NRXN2: variants seen among roughly 807,000 people sequenced by gnomAD.
The protein encoded by NRXN2 is neurexin-2-beta.
NRXN2 carries 29 observed loss-of-function variants against 128.8 expected under a neutral mutation model. That is an observed-to-expected ratio of 0.23 (90% CI 0.17 to 0.31). The LOEUF (loss-of-function observed/expected upper bound fraction) is 0.31. Among genes scored for constraint, NRXN2 ranks in the 10% least tolerant of loss-of-function variants. The pLI, the probability that NRXN2 is intolerant of heterozygous loss-of-function variation, is 1.00. For synonymous variants in NRXN2, 1,098 were observed against 1,075.2 expected, an observed-to-expected ratio of 1.02 and a Z score of -0.41; for missense variants, 1,881 against 2,452.6, an observed-to-expected ratio of 0.77 and a Z score of 4.92.
intron 11 of NRXN2, 85 bp from the exon 12 acceptor site, chr11:64,653,807 AG>A: frequency 9.6e-7 from 1 of 1,038,178 alleles, no homozygotes; most frequent in Non-Finnish European, 1.4e-6. Context: ...CTTCACAGGG[AG>A]GGGTGTCTGC....
intron 6 of NRXN2, among the ~76,000 whole-genome samples, chr11:64,679,526 A>G (rs959475789): frequency 6.6e-5 from 10 of 152,078 alleles, no homozygotes; most frequent in African/African-American, 2.4e-4. Context: ...AGTCCCAGCT[A>G]CTTGGGAGGC....
At chr11:64,628,150 G>A (rs146377551) in intron 19 of NRXN2, among the ~76,000 whole-genome samples, 127 of 152,320 alleles carry the variant, frequency 8.3e-4, no homozygotes, top group Non-Finnish European at 1.6e-3. Context: ...CCTATTTATT[G>A]AGCACCTTTG....
At chr11:64,691,494 G>C (rs890698368) in intron 4 of NRXN2, among the ~76,000 whole-genome samples, 2 of 152,214 alleles carry the variant, frequency 1.3e-5, no homozygotes, top group African/African-American at 4.8e-5. Flanking sequence ...ACTCAGTGAT[G>C]AAGGGGAAAA....
rs949634903 is a variant in NRXN2 at position 64,626,372 on chromosome 11, T to C, written c.3847+91A>G. 14 of 1,049,866 alleles carry C rather than the reference T, an allele frequency of 1.3e-5. No homozygotes were observed. In the African/African-American group the frequency reaches 1.9e-4, roughly 14 times the overall value. The allele number at this position is 1,049,866 out of a possible 1,614,324, so 65.0% of individuals were successfully genotyped here. Reference sequence around the variant, plus strand: ...CCCTTCACTTGGGGGTGGGCATTGGTGAAGGCACGGAGGGGGAAAGAGAGA... The same window carrying C: ...CCCTTCACTTGGGGGTGGGCATTGGCGAAGGCACGGAGGGGGAAAGAGAGA... On this transcript the variant is annotated intron_variant, in intron 20 of 22. Coordinates refer to ENST00000265459, the MANE Select transcript of NRXN2 (RefSeq NM_015080.4).
In NRXN2 at chr11:64,713,828, C is replaced by T; in HGVS notation, c.-129G>A. 3 of 467,396 alleles carry T rather than the reference C, an allele frequency of 6.4e-6. No homozygotes were observed. The highest frequency in any genetic ancestry group is 8.5e-6 in the Non-Finnish European group (3 of 352,812). 29.0% of individuals were successfully genotyped at this position (467,396 alleles called of 1,614,324 possible). A position where few individuals can be genotyped will look rare whatever the true frequency, so the allele number is the denominator to read the frequency against. ...GGGCTCCCTTGCAGGCTCACAGTGC[C>T]ATGGGCCCGGCCGCGGGGCGAGGCG... On this transcript the variant is annotated 5_prime_UTR_variant, in exon 2 of 23. The change abolishes an upstream ATG in the 5' untranslated region. Transcript: ENST00000265459.
rs749398433 is a variant in NRXN2, at chr11:64,607,816, G to A, written c.4519C>T (p.Pro1507Ser). The A allele has an allele frequency of 6.1e-5, 97 of 1,601,796 alleles. No homozygotes were observed. The highest frequency in any genetic ancestry group is 7.7e-5 in the Non-Finnish European group (90 of 1,174,834). ...SGEVFDSSLP[P>S]TDDEDFYTTF... ...GTGTAAAAGTCCTCGTCGTCCGTGG[G>A]GGGGAGGCTGGAGTCAAAGACCTCC... The change falls in exon 23 of 23, where the codon CCC becomes TCC. Residue 1507 changes from proline to serine, a missense_variant. Coordinates refer to ENST00000265459, the MANE Select transcript of NRXN2 (RefSeq NM_015080.4).
chr11:64,697,191 C>A (rs563371760), intron 3 of NRXN2, among the ~76,000 whole-genome samples: 33 of 152,266 alleles, frequency 2.2e-4, no homozygotes, highest in African/African-American at 7.7e-4. Flanking sequence ...GGGGCAGCAG[C>A]TAGGGGCCTG....
At chr11:64,624,697 CA>C (rs1350897677) in intron 20 of NRXN2, among the ~76,000 whole-genome samples, 1 of 152,246 alleles carries the variant, frequency 6.6e-6, no homozygotes, top group Non-Finnish European at 1.5e-5. Flanking sequence ...TGCACATATG[CA>C]TCTCCAAGAG....
At chr11:64,608,103 G>C in intron 22 of NRXN2, 21 bp from the exon 23 acceptor site, 2 of 1,572,682 alleles carry the variant, frequency 1.3e-6, no homozygotes, top group South Asian at 2.3e-5. Context: ...AGAGAGAAGA[G>C]AAAAGAGAGG....
At chr11:64,653,178 A>G in intron 12 of NRXN2, among the ~76,000 whole-genome samples, 1 of 152,098 alleles carries the variant, frequency 6.6e-6, no homozygotes, top group South Asian at 2.1e-4. Flanking sequence ...CCATAGAAGG[A>G]GCCCCCATTT....
chr11:64,670,422 G>A (rs2135518993), intron 7 of NRXN2, among the ~76,000 whole-genome samples: 1 of 152,262 alleles, frequency 6.6e-6, no homozygotes, highest in South Asian at 2.1e-4. Flanking sequence ...AGAAGGGCTG[G>A]AGAAAGGGAA....
chr11:64,711,014 C>T (rs1451546719), intron 2 of NRXN2, among the ~76,000 whole-genome samples: 1 of 151,808 alleles, frequency 6.6e-6, no homozygotes, highest in African/African-American at 2.4e-5. Flanking sequence ...AACCTTGTAC[C>T]AATAACCCCA....
At position 64,606,377 on chromosome 11, in the gene NRXN2, G is replaced by C. The variant is rs2039640646; in HGVS notation, c.*819C>G. 2 of 152,512 alleles carry C rather than the reference G, an allele frequency of 1.3e-5. No individual in the cohort carries two copies. The highest frequency in any genetic ancestry group is 4.8e-5 in the African/African-American group (2 of 41,454). The allele number at this position is 152,512 out of a possible 1,614,324, so 9.4% of individuals were successfully genotyped here. A position where few individuals can be genotyped will look rare whatever the true frequency, so the allele number is the denominator to read the frequency against. ...TGCCCGCGCCCAGCGGGTGCCACAGGCTGCTGCTCGTGGAATCTAGAGTAT... is the reference window on the plus strand; with the variant it reads ...TGCCCGCGCCCAGCGGGTGCCACAGCCTGCTGCTCGTGGAATCTAGAGTAT... On this transcript the variant is annotated 3_prime_UTR_variant, in exon 23 of 23. Transcript: ENST00000265459.
chr11:64,618,887 G>A (rs569207929), intron 22 of NRXN2, among the ~76,000 whole-genome samples: 1 of 152,276 alleles, frequency 6.6e-6, no homozygotes, highest in Admixed American at 6.5e-5. Flanking sequence ...GGGACATGGA[G>A]GGCAACTGGG....
Position 64,607,120 on chromosome 11 carries a change from G to A in NRXN2, c.*76C>T. The A allele has an allele frequency of 6.7e-7, 1 of 1,490,614 alleles. No individual in the cohort carries two copies. The highest frequency in any genetic ancestry group is 9.2e-7 in the Non-Finnish European group (1 of 1,092,032). The allele number at this position is 1,490,614 out of a possible 1,614,324, so 92.3% of individuals were successfully genotyped here. On this transcript the variant is annotated 3_prime_UTR_variant, in exon 23 of 23. Transcript: ENST00000265459. The stretch of plus-strand genomic sequence containing the variant: ...CCAGGGAGAGGGTCCCCAGGCCCCT[G>A]GCAGGGAGAGGGTGGCACCCTCCTC...
intron 5 of NRXN2, 143 bp from the exon 6 acceptor site, chr11:64,686,090 C>G (rs1239428926): frequency 1.2e-6 from 1 of 835,386 alleles, no homozygotes; most frequent in East Asian, 2.7e-5. Context: ...AGGCCCCTTT[C>G]CCTCCCTCGG....
At chr11:64,703,928 C>T (rs1377441397) in intron 2 of NRXN2, among the ~76,000 whole-genome samples, 1 of 152,200 alleles carries the variant, frequency 6.6e-6, no homozygotes, top group Non-Finnish European at 1.5e-5. Flanking sequence ...GTTAACTGCC[C>T]AAGTTCACAC....
At position 64,607,271 on chromosome 11, in the gene NRXN2, C is replaced by G; in HGVS notation, c.5064G>C (p.Val1688=). 1 of 1,613,928 alleles carries G rather than the reference C, an allele frequency of 6.2e-7. No homozygotes were observed. Among genetic ancestry groups the G allele is most frequent in the African/African-American group, 1.3e-5 (1 of 74,984 alleles). ...SNSAQSNGAV[V]KEKAPAAPKT... Reference sequence around the variant, plus strand: ...TGGGGGCAGCCGGGGCCTTCTCTTTCACCACCGCCCCATTGCTCTGGGCCG... The same window carrying G: ...TGGGGGCAGCCGGGGCCTTCTCTTTGACCACCGCCCCATTGCTCTGGGCCG... Residue 1688 remains valine (V), a synonymous_variant, in exon 23 of 23, where the codon GTG becomes GTC. Coordinates refer to ENST00000265459, the MANE Select transcript of NRXN2 (RefSeq NM_015080.4).
intron 19 of NRXN2, among the ~76,000 whole-genome samples, chr11:64,626,949 C>T (rs982326827): frequency 2.0e-5 from 3 of 151,942 alleles, no homozygotes; most frequent in Non-Finnish European, 2.9e-5. Flanking sequence ...AAGTTGGGGG[C>T]GGGAGGCATC....
Sources: gnomAD v4.1 joint callset for allele counts (sites outside exome capture counted in the v4.1 genomes callset) on GRCh38, gnomAD v4.1.1 for gene constraint, MANE v1.5 for transcripts, NCBI Gene and HGNC (gene_info 2026-07-23, HGNC 2026-07-21) for gene names.